MRPS6: variants seen among roughly 807,000 people sequenced by gnomAD.
MRPS6 encodes the protein mitochondrial ribosomal protein S6, also known as small ribosomal subunit protein bS6m.
MRPS6 carries 6 observed loss-of-function variants against 13.1 expected under a neutral mutation model. That is an observed-to-expected ratio of 0.46 (90% CI 0.25 to 0.91). The LOEUF (loss-of-function observed/expected upper bound fraction) is 0.91. Among genes scored for constraint, MRPS6 ranks in the 40% least tolerant of loss-of-function variants. The pLI, the probability that MRPS6 is intolerant of heterozygous loss-of-function variation, is 0.18. For synonymous variants in MRPS6, 61 were observed against 56.5 expected, an observed-to-expected ratio of 1.08 and a Z score of -0.36; for missense variants, 164 against 155.6, an observed-to-expected ratio of 1.05 and a Z score of -0.29.
intron 2 of MRPS6, among the ~76,000 whole-genome samples, chr21:34,136,602 A>G (rs1206143980): frequency 6.6e-6 from 1 of 152,142 alleles, no homozygotes; most frequent in Non-Finnish European, 1.5e-5. Context: ...TTGCCATCGT[A>G]TGTCTTCTGT....
At chr21:34,083,815 T>C (rs1783288) in intron 1 of MRPS6, among the ~76,000 whole-genome samples, 123,856 of 152,148 alleles carry the variant, frequency 0.81, 52,899 homozygotes, top group East Asian at 0.94. Context: ...GTAAGAAGAT[T>C]GAAGAAAACA....
chr21:34,141,224 A>G (rs938267087), intron 2 of MRPS6, among the ~76,000 whole-genome samples: 13 of 152,128 alleles, frequency 8.5e-5, no homozygotes, highest in Non-Finnish European at 1.5e-4. Flanking sequence ...CTTTCTTCCT[A>G]TGGCAACTGT....
intron 1 of MRPS6, among the ~76,000 whole-genome samples, chr21:34,119,630 CTA>C (rs1980051232): frequency 2.0e-5 from 3 of 152,040 alleles, no homozygotes; most frequent in Admixed American, 2.0e-4. Flanking sequence ...GTTGTGGATT[CTA>C]TGTGTGCTTT....
chr21:34,130,459 C>T (rs1980463801), intron 2 of MRPS6, among the ~76,000 whole-genome samples: 1 of 152,098 alleles, frequency 6.6e-6, no homozygotes, highest in Non-Finnish European at 1.5e-5. Flanking sequence ...TGCTGGCTCT[C>T]TTACAACCAT....
intron 2 of MRPS6, chr21:34,135,527 C>T (rs1980663726): frequency 4.0e-6 from 2 of 503,838 alleles, no homozygotes; most frequent in Non-Finnish European, 4.0e-6. Flanking sequence ...AGCTCATCTG[C>T]CAGGCACTCA....
At chr21:34,090,744 G>A (rs999790723) in intron 1 of MRPS6, among the ~76,000 whole-genome samples, 5 of 152,276 alleles carry the variant, frequency 3.3e-5, no homozygotes, top group African/African-American at 1.2e-4. Flanking sequence ...GAGCAAGTTG[G>A]TTTCATTTTA....
At chr21:34,118,599 A>G (rs1226638702) in intron 1 of MRPS6, among the ~76,000 whole-genome samples, 3 of 144,148 alleles carry the variant, frequency 2.1e-5, no homozygotes, top group Admixed American at 6.9e-5. Flanking sequence ...GCTCACTACA[A>G]CCTCCTTCTG....
intron 1 of MRPS6, among the ~76,000 whole-genome samples, chr21:34,107,088 C>T (rs1438769484): frequency 6.6e-6 from 1 of 152,140 alleles, no homozygotes; most frequent in Admixed American, 6.5e-5. Context: ...TGCGCCACCA[C>T]ACCTGGCTAA....
chr21:34,097,565 A>C, intron 1 of MRPS6: 1 of 1,341,080 alleles, frequency 7.5e-7, no homozygotes, highest in South Asian at 2.0e-5. Flanking sequence ...AACCTAACAG[A>C]CTGAATTGTG....
At chr21:34,077,793 A>C (rs1989369069) in intron 1 of MRPS6, among the ~76,000 whole-genome samples, 1 of 152,190 alleles carries the variant, frequency 6.6e-6, no homozygotes, top group Non-Finnish European at 1.5e-5. Flanking sequence ...GAATATAGAA[A>C]AGTATAATCA....
intron 1 of MRPS6, among the ~76,000 whole-genome samples, chr21:34,085,707 A>G (rs987605849): frequency 4.1e-5 from 6 of 147,342 alleles, no homozygotes; most frequent in African/African-American, 1.5e-4. Context: ...GTTTCACGCC[A>G]TTCTCCTGCC....
chr21:34,117,676 G>A (rs923798872), intron 1 of MRPS6, among the ~76,000 whole-genome samples: 1 of 152,104 alleles, frequency 6.6e-6, no homozygotes, highest in Non-Finnish European at 1.5e-5. Context: ...GAACCAAAAT[G>A]GCAATTTCCT....
At chr21:34,140,224 T>G (rs78545359) in intron 2 of MRPS6, among the ~76,000 whole-genome samples, 1 of 147,738 alleles carries the variant, frequency 6.8e-6, no homozygotes. Flanking sequence ...ATTCGAGGCC[T>G]TTTTTTTTTT....
At chr21:34,073,855 C>T in intron 1 of MRPS6, 110 bp downstream of exon 1, 1 of 596,120 alleles carries the variant, frequency 1.7e-6, no homozygotes, top group Non-Finnish European at 2.3e-6. Context: ...TCCTGCACTC[C>T]TCGGAGGAGG....
At chr21:34,107,235 A>G (rs1464961559) in intron 1 of MRPS6, among the ~76,000 whole-genome samples, 2 of 152,202 alleles carry the variant, frequency 1.3e-5, no homozygotes, top group African/African-American at 4.8e-5. Flanking sequence ...CCCAGCCGGT[A>G]TTGACATTTT....
chr21:34,085,032 A>C (rs897296395), intron 1 of MRPS6, among the ~76,000 whole-genome samples: 1 of 152,258 alleles, frequency 6.6e-6, no homozygotes, highest in Non-Finnish European at 1.5e-5. Flanking sequence ...CAAAACGGAC[A>C]TTGATACGAT....
intron 1 of MRPS6, among the ~76,000 whole-genome samples, chr21:34,107,197 G>C (rs374265372): frequency 7.8e-4 from 119 of 152,310 alleles, no homozygotes; most frequent in African/African-American, 2.8e-3. Context: ...TTCCCAAAGT[G>C]CTGGGATTAC....
chr21:34,106,731 T>G (rs1371951025), intron 1 of MRPS6, among the ~76,000 whole-genome samples: 2 of 152,210 alleles, frequency 1.3e-5, no homozygotes, highest in African/African-American at 4.8e-5. Flanking sequence ...TTAAGAACAG[T>G]CACTCATAGT....
chr21:34,105,444 AATGTCAGC>A (rs1287905728), intron 1 of MRPS6: 14 of 999,500 alleles, frequency 1.4e-5, no homozygotes, highest in Non-Finnish European at 1.6e-5. Flanking sequence ...TTTTAAGCCA[AATGTCAGC>A]AGAGTGCTGC....
Sources: gnomAD v4.1 joint callset for allele counts (sites outside exome capture counted in the v4.1 genomes callset) on GRCh38, gnomAD v4.1.1 for gene constraint, MANE v1.5 for transcripts, NCBI Gene and HGNC (gene_info 2026-07-23, HGNC 2026-07-21) for gene names.